The following CD46 variants were observed in gnomAD, a reference collection of about 807,000 sequenced individuals.
The protein encoded by CD46 is membrane cofactor protein.
A neutral mutation model predicts 53.3 loss-of-function variants in CD46; 30 were observed. That is an observed-to-expected ratio of 0.56 (90% CI 0.42 to 0.76). The LOEUF is 0.76. Among genes scored for constraint, CD46 ranks in the 30% least tolerant of loss-of-function variants. The pLI, the probability that CD46 is intolerant of heterozygous loss-of-function variation, is 0.00. For synonymous variants in CD46, 142 were observed against 152.0 expected (o/e 0.93, Z 0.48); for missense variants, 409 against 463.0 (o/e 0.88, Z 1.07).
At position 207,785,102 on chromosome 1, in the gene CD46, C is replaced by G; in HGVS notation, c.1014C>G (p.Ala338=). ...GGGTCATTGCTGTGATTGTTATTGC[C>G]ATAGGTAAGTATCACAAATTTTGAC... ...DVWVIAVIVI[A]IVVGVAVICV... Residue 338 remains alanine (A), a synonymous_variant, in exon 10 of 13, where the codon GCC becomes GCG. Coordinates refer to ENST00000367042, the MANE Select transcript of CD46 (RefSeq NM_172351.3). 1 of 1,611,550 alleles carries G rather than the reference C, an allele frequency of 6.2e-7. No homozygotes were observed. The highest frequency in any genetic ancestry group is 8.5e-7 in the Non-Finnish European group (1 of 1,177,836).
rs747504551 is a variant in CD46, at chr1:207,761,327, A to G, written c.554A>G (p.Asp185Gly). 4 of 1,612,866 alleles carry G rather than the reference A, an allele frequency of 2.5e-6. No individual in the cohort carries two copies. The highest frequency in any genetic ancestry group is 1.7e-5 in the Admixed American group (1 of 60,032). Reference protein sequence around the residue: ...FSEVEVFEYLDAVTYSCDPAP... With the variant: ...FSEVEVFEYLGAVTYSCDPAP... Reference sequence around the variant, plus strand: ...GAAGTAGAAGTATTTGAGTATCTTGATGCAGTAACTTATAGTTGTGATCCT... The same window carrying G: ...GAAGTAGAAGTATTTGAGTATCTTGGTGCAGTAACTTATAGTTGTGATCCT... Residue 185 changes from aspartate (D) to glycine (G), a missense_variant, in exon 5 of 13, where the codon GAT becomes GGT. Asp to Gly is a moderately conservative substitution (Grantham distance 94). Coordinates refer to ENST00000367042, the MANE Select transcript of CD46 (RefSeq NM_172351.3).
In CD46 at chr1:207,785,007, G is replaced by C. The variant is rs1571684651; in HGVS notation, c.983-64G>C. ...ACCATATCAAGTGTTTAGATGATCT[G>C]ATTGAAATAAATGCTATCTGGAGAT... On this transcript the variant is annotated intron_variant, in intron 9 of 12. Coordinates refer to ENST00000367042, the MANE Select transcript of CD46 (RefSeq NM_172351.3). The C allele has an allele frequency of 3.7e-6, 5 of 1,359,974 alleles. No individual in the cohort carries two copies. In the Admixed American group the frequency reaches 8.6e-5, roughly 23 times the overall value. 84.2% of individuals were successfully genotyped at this position (1,359,974 alleles called of 1,614,324 possible).
At chr1:207,767,556 A>G (rs1207238988) in intron 6 of CD46, 3 of 1,371,214 alleles carry the variant, frequency 2.2e-6, no homozygotes, top group Non-Finnish European at 3.1e-6. Context: ...AAATGAAATG[A>G]GAGCAATAAC....
At chr1:207,781,852 C>A (rs1467563353) in intron 8 of CD46, among the ~76,000 whole-genome samples, 1 of 152,042 alleles carries the variant, frequency 6.6e-6, no homozygotes, top group Non-Finnish European at 1.5e-5. Context: ...TGAGCCTTCT[C>A]AACTTTGCTC....
intron 8 of CD46, among the ~76,000 whole-genome samples, chr1:207,778,745 C>T (rs1265351468): frequency 2.0e-5 from 3 of 152,094 alleles, no homozygotes; most frequent in Non-Finnish European, 2.9e-5. Context: ...GTTCTTTTTG[C>T]GTAAGATTTT....
chr1:207,777,239 A>G (rs943730408), intron 8 of CD46, among the ~76,000 whole-genome samples: 1 of 152,196 alleles, frequency 6.6e-6, no homozygotes, highest in African/African-American at 2.4e-5. Context: ...TATATAGAGT[A>G]AAAGATTAGT....
At chr1:207,764,872 G>A (rs765559855) in intron 5 of CD46, among the ~76,000 whole-genome samples, 1 of 152,156 alleles carries the variant, frequency 6.6e-6, no homozygotes, top group Non-Finnish European at 1.5e-5. Context: ...AACCATCTAA[G>A]GAATAAATCA....
intron 5 of CD46, among the ~76,000 whole-genome samples, chr1:207,764,187 G>A (rs1279431423): frequency 6.6e-6 from 1 of 152,190 alleles, no homozygotes; most frequent in African/African-American, 2.4e-5. Flanking sequence ...CACAGCACAG[G>A]CACCTGCTCT....
intron 11 of CD46, among the ~76,000 whole-genome samples, chr1:207,788,775 C>T (rs1017388697): frequency 3.3e-5 from 5 of 152,170 alleles, no homozygotes; most frequent in Non-Finnish European, 7.4e-5. Flanking sequence ...GATTTGGGAA[C>T]GTAATTACTC....
chr1:207,791,049 C>G lies in CD46; in HGVS notation c.*41+704C>G, dbSNP rs201349665. ...ATAATTAAAAGTTTGGGAGCAGGAT[C>G]TACAAAGGCCAGCTGGAAGGACAAT... is the stretch of plus-strand genomic sequence containing the variant. On this transcript the variant is annotated intron_variant, in intron 12 of 12. Coordinates refer to ENST00000367042, the MANE Select transcript of CD46 (RefSeq NM_172351.3). 8.5e-5 allele frequency among the ~76,000 whole-genome samples: 13 copies of G among 152,266 alleles called. No individual in the cohort carries two copies. The East Asian group carries it at 2.5e-3, about 29-fold the overall frequency.
At chr1:207,773,543 T>A (rs1208161721) in intron 8 of CD46, among the ~76,000 whole-genome samples, 1 of 152,184 alleles carries the variant, frequency 6.6e-6, no homozygotes, top group Non-Finnish European at 1.5e-5. Flanking sequence ...GTGCTATAAA[T>A]TTCCCTCTAC....
At chr1:207,770,193 G>T in intron 7 of CD46, 128 bp from the exon 8 acceptor site, 1 of 731,552 alleles carries the variant, frequency 1.4e-6, no homozygotes, top group East Asian at 2.6e-5. Flanking sequence ...CTAAGATGTG[G>T]AATTGCAAAG....
chr1:207,783,397 T>C (rs1571679157), intron 9 of CD46, 67 bp downstream of exon 9: 1 of 917,740 alleles, frequency 1.1e-6, no homozygotes, highest in Middle Eastern at 2.1e-4. Flanking sequence ...AATTAGTTTT[T>C]ATGAGGTGCC....
chr1:207,756,378 C>T (rs1052184356), intron 1 of CD46, among the ~76,000 whole-genome samples: 1 of 152,192 alleles, frequency 6.6e-6, no homozygotes, highest in Admixed American at 6.5e-5. Flanking sequence ...CCTTTTAGGG[C>T]AACTTGAGCC....
chr1:207,758,342 G>A (rs2724386), intron 3 of CD46, among the ~76,000 whole-genome samples: 71,855 of 152,008 alleles, frequency 0.47, 18,329 homozygotes, highest in East Asian at 0.83. Context: ...GAGTTCAAGG[G>A]GATGGCAGTA....
At chr1:207,756,002 A>G (rs566371364) in intron 1 of CD46, among the ~76,000 whole-genome samples, 1 of 152,268 alleles carries the variant, frequency 6.6e-6, no homozygotes, top group Middle Eastern at 3.4e-3. Flanking sequence ...AAAGCATGTG[A>G]TAGTTACCTG....
At chr1:207,782,688 G>GC (rs1312747392) in intron 8 of CD46, among the ~76,000 whole-genome samples, 9 of 110,974 alleles carry the variant, frequency 8.1e-5, no homozygotes, top group African/African-American at 2.9e-4. Context: ...TCGCTGTGTT[G>GC]CCAGACTGGA....
At chr1:207,753,460 A>G (rs1014342831) in intron 1 of CD46, among the ~76,000 whole-genome samples, 4 of 152,228 alleles carry the variant, frequency 2.6e-5, no homozygotes, top group African/African-American at 9.6e-5. Context: ...GCCTGTGCCC[A>G]GGAGTTCAAG....
At chr1:207,785,762 TGTA>T in intron 11 of CD46, 80 bp downstream of exon 11, 2 of 858,780 alleles carry the variant, frequency 2.3e-6, no homozygotes, top group South Asian at 2.8e-5. Flanking sequence ...GTTTGTAATC[TGTA>T]TTGCATGCTA....
Sources: allele counts gnomAD v4.1 joint callset (sites outside exome capture counted in the v4.1 genomes callset), GRCh38; gene constraint gnomAD v4.1.1; transcripts MANE v1.5; gene names NCBI Gene and HGNC (gene_info 2026-07-23, HGNC 2026-07-21).